Variants in TBL1X observed in about 807,000 individuals in gnomAD.
The protein encoded by TBL1X is transducin beta like 1 X-linked, also known as F-box-like/WD repeat-containing protein TBL1X.
Under a neutral mutation model 50.7 loss-of-function variants are expected in TBL1X, and 10 were observed. The ratio of observed to expected loss-of-function variants is 0.20; its 90% CI spans 0.12 to 0.33. TBL1X has a LOEUF of 0.33. TBL1X is among the 10% of genes least tolerant of loss of function. The probability of loss-of-function intolerance (pLI) is 1.00; values close to 1 mark genes in which losing one functional copy is unlikely to be tolerated. For synonymous variants in TBL1X, 190 were observed against 214.7 expected, an observed-to-expected ratio of 0.88 and a Z score of 1.01; for missense variants, 340 against 504.4, an observed-to-expected ratio of 0.67 and a Z score of 3.12.
rs1209329487 is a variant in TBL1X, at chrX:9,519,842, A to G, written c.-131+17993A>G. 3.6e-5 allele frequency among the ~76,000 whole-genome samples: 4 copies of G among 112,342 alleles called. No homozygotes were observed. The South Asian group carries it at 1.5e-3, about 42-fold the overall frequency. On this transcript the variant is annotated intron_variant, in intron 2 of 17. Coordinates refer to ENST00000645353, the MANE Select transcript of TBL1X (RefSeq NM_005647.4). ...GCTAGAATTCAAAAACGGCAGTGACAGCCCAGATGATTTTTCATGCTAACC... is the reference window on the plus strand; with the variant it reads ...GCTAGAATTCAAAAACGGCAGTGACGGCCCAGATGATTTTTCATGCTAACC...
rs185261400 is a variant in TBL1X, at chrX:9,615,905, T to G, written c.-130-24368T>G. ...AGAACATTTGCACATATTAGGCTCTTGGTGAACACTTAGAATCCTCAGTCA... is the reference window on the plus strand; with the variant it reads ...AGAACATTTGCACATATTAGGCTCTGGGTGAACACTTAGAATCCTCAGTCA... On this transcript the variant is annotated intron_variant, in intron 2 of 17. Transcript: ENST00000645353. 2.4e-4 allele frequency among the ~76,000 whole-genome samples: 27 copies of G among 112,233 alleles called. No homozygotes were observed. The Admixed American group carries it at 2.5e-3, about 10-fold the overall frequency.
intron 2 of TBL1X, among the ~76,000 whole-genome samples, chrX:9,513,844 G>A (rs1363919208): frequency 9.2e-6 from 1 of 108,626 alleles, no homozygotes; most frequent in Non-Finnish European, 1.9e-5. Context: ...TTCTTGGGAG[G>A]CCTCAGAGCT....
At chrX:9,639,159 GT>G (rs1225068161) in intron 2 of TBL1X, among the ~76,000 whole-genome samples, 2 of 109,209 alleles carry the variant, frequency 1.8e-5, no homozygotes, top group African/African-American at 3.3e-5. Context: ...CTGCTTGTAG[GT>G]TTTTTTTTAA....
chrX:9,555,842 A>G (rs1426168996), intron 2 of TBL1X, among the ~76,000 whole-genome samples: 3 of 111,663 alleles, frequency 2.7e-5, no homozygotes, highest in Admixed American at 1.9e-4. Context: ...TTTCATATCT[A>G]TGCAGTGTAA....
chrX:9,600,473 G>C (rs1200916496), intron 2 of TBL1X, among the ~76,000 whole-genome samples: 1 of 79,591 alleles, frequency 1.3e-5, no homozygotes, highest in Non-Finnish European at 2.3e-5. Context: ...GGTGGGCGGG[G>C]GGGGGGGTAC....
At chrX:9,565,452 T>C (rs1299187490) in intron 2 of TBL1X, among the ~76,000 whole-genome samples, 2 of 110,650 alleles carry the variant, frequency 1.8e-5, no homozygotes, top group Non-Finnish European at 3.8e-5. Flanking sequence ...AAACCAACAA[T>C]CCTTACCTAT....
rs761732549 is a variant in TBL1X at position 9,587,966 on chromosome X, G to A, written c.-130-52307G>A. On this transcript the variant is annotated intron_variant, in intron 2 of 17. Coordinates refer to ENST00000645353, the MANE Select transcript of TBL1X (RefSeq NM_005647.4). ...TTCATTCATGTGGTAGCACGTGCCA[G>A]ACATTCCTTTCTGTTACACAGTACT... is the stretch of plus-strand genomic sequence containing the variant. Among the ~76,000 whole-genome samples the A allele has an allele frequency of 7.2e-5, 8 of 111,639 alleles. No homozygotes were observed. The East Asian group carries it at 2.3e-3, about 32-fold the overall frequency.
intron 1 of TBL1X, among the ~76,000 whole-genome samples, chrX:9,474,467 A>G (rs1383366218): frequency 8.8e-6 from 1 of 113,451 alleles, no homozygotes; most frequent in Admixed American, 9.3e-5. Context: ...TAAGGACTGG[A>G]CATCGTTCCA....
chrX:9,564,331 G>A (rs1378656548), intron 2 of TBL1X, among the ~76,000 whole-genome samples: 1 of 111,796 alleles, frequency 8.9e-6, no homozygotes, highest in African/African-American at 3.3e-5. Context: ...AGTAAACCAA[G>A]AAAGGGGGAG....
intron 2 of TBL1X, among the ~76,000 whole-genome samples, chrX:9,527,258 G>GT (rs1368586915): frequency 8.0e-5 from 9 of 111,849 alleles, no homozygotes; most frequent in African/African-American, 2.6e-4. Flanking sequence ...CACCACGGGA[G>GT]TTTATTTCCA....
intron 2 of TBL1X, among the ~76,000 whole-genome samples, chrX:9,631,698 A>G (rs2082722536): frequency 8.8e-6 from 1 of 113,053 alleles, no homozygotes; most frequent in South Asian, 3.6e-4. Context: ...AAACACCATA[A>G]TACGTTGTTA....
intron 2 of TBL1X, among the ~76,000 whole-genome samples, chrX:9,577,538 A>G (rs1276079873): frequency 8.9e-6 from 1 of 111,750 alleles, no homozygotes; most frequent in Non-Finnish European, 1.9e-5. Context: ...ATGTCTGGAG[A>G]CATTTTTGGT....
chrX:9,631,294 A>C (rs748662793), intron 2 of TBL1X, among the ~76,000 whole-genome samples: 4 of 109,814 alleles, frequency 3.6e-5, no homozygotes, highest in African/African-American at 1.0e-4. Context: ...CCTTCCTCGC[A>C]CTCTTCACCC....
chrX:9,475,693 G>C (rs1487593723), intron 1 of TBL1X, among the ~76,000 whole-genome samples: 1 of 111,098 alleles, frequency 9.0e-6, no homozygotes, highest in Non-Finnish European at 1.9e-5. Context: ...AAGGTCTTCT[G>C]GCTGAGCTCA....
Position 9,689,001 on chromosome X carries a change from C to T in TBL1X, c.616+726C>T, listed in dbSNP as rs192197163. Among the ~76,000 whole-genome samples the T allele has an allele frequency of 3.6e-3, 403 of 111,396 alleles. 1 individual carries two copies. The highest frequency in any genetic ancestry group is 0.012 in the African/African-American group (365 of 30,847). ...GTCTGTGTGCAAGTGTGTATGCATG[C>T]GTGTGCGTGTATGTGTGCGTGTGTG... On this transcript the variant is annotated intron_variant, in intron 7 of 17. Transcript: ENST00000645353.
intron 2 of TBL1X, among the ~76,000 whole-genome samples, chrX:9,612,014 C>T (rs775261159): frequency 6.2e-5 from 7 of 112,838 alleles, no homozygotes; most frequent in East Asian, 2.8e-4. Flanking sequence ...GCCTTTCGAT[C>T]GCCTGGGCGT....
At chrX:9,530,686 A>G (rs765165373) in intron 2 of TBL1X, among the ~76,000 whole-genome samples, 1 of 112,678 alleles carries the variant, frequency 8.9e-6, no homozygotes, top group South Asian at 3.6e-4. Flanking sequence ...CTCAATTTTA[A>G]GAAACTATAC....
chrX:9,688,264 C>T lies in TBL1X; in HGVS notation c.605C>T (p.Ala202Val), dbSNP rs762989018. 2 of 1,180,271 alleles carry T rather than the reference C, an allele frequency of 1.7e-6. No homozygotes were observed. Among genetic ancestry groups the T allele is most frequent in the Non-Finnish European group, 2.3e-6 (2 of 877,129 alleles). ...EATVNGEENR[A>V]HSVNNHAKPM... The stretch of plus-strand genomic sequence containing the variant: ...ACGGTGAATGGGGAAGAGAACAGAG[C>T]ACATTCAGTCAGTGAGTGCAGGGGC... The change falls in exon 7 of 18, where the codon GCA (alanine) becomes GTA (valine). Residue 202 changes from alanine (A) to valine (V), a missense_variant. Ala to Val is a moderately conservative substitution (Grantham distance 64). Coordinates refer to ENST00000645353, the MANE Select transcript of TBL1X (RefSeq NM_005647.4).
Position 9,521,348 on chromosome X carries a change from G to A in TBL1X, c.-131+19499G>A, listed in dbSNP as rs190125716. ...AGGGAAAGCCAGAGGTGGTGGGTCC[G>A]GTAGATGCAGGAACTGACCCAGGCT... On this transcript the variant is annotated intron_variant, in intron 2 of 17. Transcript: ENST00000645353. Among the ~76,000 whole-genome samples, 725 of 111,318 alleles carry A rather than the reference G, an allele frequency of 6.5e-3. 6 individuals carry two copies. The highest frequency in any genetic ancestry group is 0.023 in the African/African-American group (701 of 30,550).
Sources: allele counts gnomAD v4.1 joint callset (sites outside exome capture counted in the v4.1 genomes callset), GRCh38; gene constraint gnomAD v4.1.1; transcripts MANE v1.5; gene names NCBI Gene and HGNC (gene_info 2026-07-23, HGNC 2026-07-21).